ATF6: variants seen among roughly 807,000 people sequenced by gnomAD.
ATF6 encodes activating transcription factor 6, also known as cyclic AMP-dependent transcription factor ATF-6 alpha.
A neutral mutation model predicts 83.6 loss-of-function variants in ATF6; 53 were observed. That is an observed-to-expected ratio of 0.63 (90% CI 0.51 to 0.80). The LOEUF (loss-of-function observed/expected upper bound fraction) is 0.80, where lower values mean the gene tolerates loss of function less well. ATF6 is among the 30% of genes least tolerant of loss of function. The pLI, the probability that ATF6 is intolerant of heterozygous loss-of-function variation, is 0.00. For missense variants in ATF6, 744 were observed against 797.9 expected (o/e 0.93, Z 0.81); for synonymous variants, 288 against 285.8 (o/e 1.01, Z -0.08).
At chr1:161,811,325 T>C (rs1386351783) in intron 7 of ATF6, among the ~76,000 whole-genome samples, 1 of 152,234 alleles carries the variant, frequency 6.6e-6, no homozygotes, top group Non-Finnish European at 1.5e-5. Flanking sequence ...TTGTGGCTGG[T>C]TACAGGTAGT....
chr1:161,893,363 T>A (rs1052399362), intron 14 of ATF6, among the ~76,000 whole-genome samples: 1 of 150,574 alleles, frequency 6.6e-6, no homozygotes, highest in Non-Finnish European at 1.5e-5. Flanking sequence ...ACGGGGTTTC[T>A]CCATGTTGGT....
intron 15 of ATF6, among the ~76,000 whole-genome samples, chr1:161,937,768 A>G (rs898845403): frequency 6.6e-6 from 1 of 152,076 alleles, no homozygotes; most frequent in African/African-American, 2.4e-5. Context: ...GAGGGATAGC[A>G]TTAGGAGAAA....
At chr1:161,846,193 A>G (rs1442538454) in intron 9 of ATF6, among the ~76,000 whole-genome samples, 1 of 152,206 alleles carries the variant, frequency 6.6e-6, no homozygotes, top group African/African-American at 2.4e-5. Context: ...TAAAACATAT[A>G]GAACACTACT....
At chr1:161,822,798 G>C (rs569756418) in intron 9 of ATF6, among the ~76,000 whole-genome samples, 2 of 152,164 alleles carry the variant, frequency 1.3e-5, no homozygotes, top group African/African-American at 4.8e-5. Flanking sequence ...AGAAAGAGGT[G>C]ATTGTGTTAA....
chr1:161,868,317 C>T (rs1021269629), intron 14 of ATF6, among the ~76,000 whole-genome samples: 2 of 152,174 alleles, frequency 1.3e-5, no homozygotes, highest in African/African-American at 4.8e-5. Context: ...TGGGGCCACT[C>T]TTCTGAGAAA....
At chr1:161,782,442 C>T (rs1684655750) in intron 3 of ATF6, among the ~76,000 whole-genome samples, 2 of 152,012 alleles carry the variant, frequency 1.3e-5, no homozygotes, top group African/African-American at 4.8e-5. Context: ...CTGATGAGGT[C>T]GGGGTTGAGT....
At chr1:161,927,012 G>T (rs748074663) in intron 15 of ATF6, among the ~76,000 whole-genome samples, 3 of 152,072 alleles carry the variant, frequency 2.0e-5, no homozygotes, top group East Asian at 3.9e-4. Context: ...TATATTCAGC[G>T]CATAGCACTA....
At chr1:161,945,507 A>G (rs1237779809) in intron 15 of ATF6, among the ~76,000 whole-genome samples, 2 of 152,204 alleles carry the variant, frequency 1.3e-5, no homozygotes, top group Non-Finnish European at 2.9e-5. Flanking sequence ...GACTTCACAG[A>G]TAAGTCTTGC....
intron 10 of ATF6, among the ~76,000 whole-genome samples, chr1:161,849,591 C>CT (rs956611155): frequency 6.6e-6 from 1 of 151,980 alleles, no homozygotes; most frequent in African/African-American, 2.4e-5. Context: ...TTTTAGTTTC[C>CT]TTTTTTTATT....
chr1:161,770,366 C>T (rs72706039), intron 1 of ATF6, among the ~76,000 whole-genome samples: 1,908 of 152,294 alleles, frequency 0.013, 24 homozygotes, highest in Non-Finnish European at 0.017. Context: ...CATAAGACAA[C>T]ACCACAGACT....
chr1:161,922,663 G>T (rs1439071439), intron 15 of ATF6, among the ~76,000 whole-genome samples: 1 of 151,892 alleles, frequency 6.6e-6, no homozygotes, highest in East Asian at 1.9e-4. Flanking sequence ...AGAATCAACT[G>T]TGAAGAGTCA....
At chr1:161,867,574 G>T (rs1687034417) in intron 14 of ATF6, among the ~76,000 whole-genome samples, 1 of 152,112 alleles carries the variant, frequency 6.6e-6, no homozygotes, top group Non-Finnish European at 1.5e-5. Context: ...TCTTCCTGGG[G>T]CAGTTTTTCA....
chr1:161,899,666 A>G (rs1687742768), intron 14 of ATF6, among the ~76,000 whole-genome samples: 1 of 152,212 alleles, frequency 6.6e-6, no homozygotes, highest in Non-Finnish European at 1.5e-5. Flanking sequence ...AACAGTTTAA[A>G]TAAAGTAAGT....
intron 10 of ATF6, among the ~76,000 whole-genome samples, chr1:161,851,141 TACACAC>T (rs35398462): frequency 2.2e-5 from 3 of 135,874 alleles, no homozygotes; most frequent in South Asian, 2.4e-4. Context: ...ATCCTTAACA[TACACAC>T]ACACACACAC....
At chr1:161,929,574 C>CTATCT (rs1251103032) in intron 15 of ATF6, among the ~76,000 whole-genome samples, 1 of 152,204 alleles carries the variant, frequency 6.6e-6, no homozygotes, top group Non-Finnish European at 1.5e-5. Context: ...GAGGTCAGCT[C>CTATCT]TATCTCACAA....
intron 7 of ATF6, among the ~76,000 whole-genome samples, chr1:161,809,781 C>T (rs1685409180): frequency 1.3e-5 from 2 of 152,208 alleles, no homozygotes; most frequent in Non-Finnish European, 2.9e-5. Context: ...TTGCATTTCT[C>T]TGATGGCCAG....
intron 15 of ATF6, among the ~76,000 whole-genome samples, chr1:161,944,253 A>G (rs985402606): frequency 2.6e-5 from 4 of 152,210 alleles, no homozygotes; most frequent in Admixed American, 2.6e-4. Context: ...TTCATCAGTT[A>G]CTATATCATA....
At chr1:161,814,130 C>T (rs562107275) in intron 7 of ATF6, among the ~76,000 whole-genome samples, 82 of 152,266 alleles carry the variant, frequency 5.4e-4, no homozygotes, top group Non-Finnish European at 9.4e-4. Flanking sequence ...GTGATCCGCC[C>T]GCCTTGGCCT....
intron 15 of ATF6, among the ~76,000 whole-genome samples, chr1:161,936,301 T>C (rs1571248333): frequency 4.1e-5 from 1 of 24,252 alleles, no homozygotes; most frequent in Admixed American, 2.8e-4. Context: ...TTCTTTTTAA[T>C]TTTTTTTAAT....
Sources: allele counts gnomAD v4.1 joint callset (sites outside exome capture counted in the v4.1 genomes callset), GRCh38; gene constraint gnomAD v4.1.1; transcripts MANE v1.5; gene names NCBI Gene and HGNC (gene_info 2026-07-23, HGNC 2026-07-21).